The following CIB1 variants were observed in gnomAD, a reference collection of about 807,000 sequenced individuals.
CIB1 encodes calcium and integrin-binding protein 1.
CIB1 carries 19 observed loss-of-function variants against 25.0 expected under a neutral mutation model. That is an observed-to-expected ratio of 0.76 (90% CI 0.53 to 1.12). The LOEUF (loss-of-function observed/expected upper bound fraction) is 1.12. Among genes scored for constraint, CIB1 ranks in the 50% most tolerant of loss-of-function variants. CIB1 has a pLI of 0.00. For missense variants in CIB1, 236 were observed against 242.6 expected (o/e 0.97, Z 0.18); for synonymous variants, 104 against 98.5 (o/e 1.06, Z -0.33).
the CIB1 span, chr15:90,240,936 A>G: frequency 3.1e-6 from 5 of 1,614,016 alleles, no homozygotes; most frequent in East Asian, 1.1e-4. Flanking sequence ...TTCAAACGAA[A>G]CTTCCTATTT....
rs571745594 is a variant in CIB1, at chr15:90,230,343, C to T, written c.*141G>A. 289 of 954,574 alleles carry T rather than the reference C, an allele frequency of 3.0e-4. No homozygotes were observed. Among genetic ancestry groups the T allele is most frequent in the South Asian group, 7.6e-5 (5 of 66,216 alleles). 59.1% of individuals were successfully genotyped at this position (954,574 alleles called of 1,614,324 possible). On this transcript the variant is annotated 3_prime_UTR_variant, in exon 7 of 7. Transcript: ENST00000328649. ...GAGGCCCTGACAACGAGGGCCGCCCCTGCCCGGGGTGAGGCTGCACAGCGC... is the reference window on the plus strand; with the variant it reads ...GAGGCCCTGACAACGAGGGCCGCCCTTGCCCGGGGTGAGGCTGCACAGCGC...
chr15:90,265,094 T>C, the CIB1 span: 3 of 1,303,730 alleles, frequency 2.3e-6, no homozygotes, highest in African/African-American at 4.5e-5. Flanking sequence ...GGAACCCCAT[T>C]TGTATAAGGC....
the CIB1 span, among the ~76,000 whole-genome samples, chr15:90,251,222 T>C: frequency 6.8e-6 from 1 of 147,564 alleles, no homozygotes; most frequent in Non-Finnish European, 1.5e-5. Flanking sequence ...CAGGCCATTC[T>C]CCTGCCTCAG....
At chr15:90,262,364 C>A in the CIB1 span, 1 of 1,173,738 alleles carries the variant, frequency 8.5e-7, no homozygotes, top group Non-Finnish European at 1.2e-6. Flanking sequence ...ATCTTCCCCT[C>A]TCATTGCTCT....
upstream of CIB1, among the ~76,000 whole-genome samples, chr15:90,235,159 G>GT (rs1962605938): frequency 6.6e-6 from 1 of 152,056 alleles, no homozygotes; most frequent in Non-Finnish European, 1.5e-5. Flanking sequence ...AGCCTTTCCT[G>GT]ACTCCCTAGA....
At chr15:90,261,885 G>T in the CIB1 span, 2 of 763,760 alleles carry the variant, frequency 2.6e-6, no homozygotes, top group Non-Finnish European at 2.0e-6. Context: ...TTCCCTACTT[G>T]GGCAGGGGCC....
the CIB1 span, chr15:90,257,774 C>T: frequency 6.4e-7 from 1 of 1,558,652 alleles, no homozygotes; most frequent in Admixed American, 1.7e-5. Context: ...GCCCCACAGT[C>T]CCAGTAGCCC....
At chr15:90,263,914 G>A in the CIB1 span, 3 of 1,395,552 alleles carry the variant, frequency 2.1e-6, no homozygotes, top group South Asian at 1.2e-5. Flanking sequence ...CATGAATGCT[G>A]CAATCCCACA....
At chr15:90,247,298 CT>C in the CIB1 span, among the ~76,000 whole-genome samples, 3,596 of 134,160 alleles carry the variant, frequency 0.027, 159 homozygotes, top group African/African-American at 0.082. Flanking sequence ...TTTCTTTTTT[CT>C]TTTTTTTTTT....
upstream of CIB1, among the ~76,000 whole-genome samples, chr15:90,236,438 A>T (rs1278730605): frequency 6.6e-6 from 1 of 152,240 alleles, no homozygotes; most frequent in Non-Finnish European, 1.5e-5. Context: ...TGAACCCTTC[A>T]TGGAACAACC....
the CIB1 span, among the ~76,000 whole-genome samples, chr15:90,246,001 C>T: frequency 2.6e-5 from 4 of 151,914 alleles, no homozygotes; most frequent in African/African-American, 9.7e-5. Flanking sequence ...AGGCCGGGCA[C>T]GGTGGCACAC....
At chr15:90,262,547 A>G in the CIB1 span, 1 of 1,531,618 alleles carries the variant, frequency 6.5e-7, no homozygotes, top group Non-Finnish European at 8.7e-7. Context: ...CTCGGGCACT[A>G]AGAGGCAAAA....
the CIB1 span, chr15:90,262,069 C>G: frequency 1.3e-6 from 2 of 1,535,998 alleles, no homozygotes; most frequent in South Asian, 2.4e-5. Flanking sequence ...AGGATTCTCA[C>G]CTGGGAAAAT....
Position 90,230,920 on chromosome 15 carries a change from G to T in CIB1, c.554+14C>A, listed in dbSNP as rs376858222. On this transcript the variant is annotated intron_variant, in intron 6 of 6. Coordinates refer to ENST00000328649, the MANE Select transcript of CIB1 (RefSeq NM_006384.4). Reference sequence around the variant, plus strand: ...CCTGCAGGTACCCAGAATGAAGGGGGACCACTGTCATACCTGGCAAAGTCT... The same window carrying T: ...CCTGCAGGTACCCAGAATGAAGGGGTACCACTGTCATACCTGGCAAAGTCT... The T allele has an allele frequency of 5.4e-5, 87 of 1,607,558 alleles. No homozygotes were observed. The African/African-American group carries it at 9.4e-4, about 17-fold the overall frequency.
upstream of CIB1, among the ~76,000 whole-genome samples, chr15:90,237,735 TTTA>T: frequency 4.6e-5 from 7 of 152,294 alleles, 1 homozygote; most frequent in Admixed American, 4.6e-4. Context: ...TTGTATTATT[TTTA>T]TTATCTCATT....
At chr15:90,265,359 C>T in the CIB1 span, 1 of 1,227,710 alleles carries the variant, frequency 8.1e-7, no homozygotes, top group East Asian at 4.8e-5. Context: ...CAGAAGACTG[C>T]CGAGCGGAAG....
chr15:90,254,117 C>T, the CIB1 span, among the ~76,000 whole-genome samples: 1 of 151,746 alleles, frequency 6.6e-6, no homozygotes. Context: ...CACTTGAACC[C>T]AGGAGGTGGA....
At chr15:90,247,986 C>T in the CIB1 span, among the ~76,000 whole-genome samples, 1 of 151,924 alleles carries the variant, frequency 6.6e-6, no homozygotes, top group Non-Finnish European at 1.5e-5. Flanking sequence ...GGTGATCCGC[C>T]CACCTTGGCC....
At chr15:90,231,933 G>A (rs913893049) in intron 3 of CIB1, among the ~76,000 whole-genome samples, 6 of 152,192 alleles carry the variant, frequency 3.9e-5, no homozygotes, top group Middle Eastern at 3.2e-3. Flanking sequence ...TCTAGAACAC[G>A]GTTCCTCAAA....
Sources: allele counts gnomAD v4.1 joint callset (sites outside exome capture counted in the v4.1 genomes callset), GRCh38; gene constraint gnomAD v4.1.1; transcripts MANE v1.5; gene names NCBI Gene and HGNC (gene_info 2026-07-23, HGNC 2026-07-21).